The following CSMD2 variants were observed in gnomAD, a reference collection of about 807,000 sequenced individuals.
CSMD2 encodes CUB and sushi domain-containing protein 2.
In CSMD2, 130 loss-of-function variants were observed where a neutral mutation model predicts 398.5. That is an observed-to-expected ratio of 0.33 (90% CI 0.28 to 0.38). The LOEUF (loss-of-function observed/expected upper bound fraction) is 0.38, where lower values mean the gene tolerates loss of function less well. Among genes scored for constraint, CSMD2 ranks in the 10% least tolerant of loss-of-function variants. The pLI, the probability that CSMD2 is intolerant of heterozygous loss-of-function variation, is 1.00. For missense variants in CSMD2, 3,829 were observed against 4,764.9 expected, an observed-to-expected ratio of 0.80 and a Z score of 5.78; for synonymous variants, 1,828 against 1,908.5, an observed-to-expected ratio of 0.96 and a Z score of 1.10.
At chr1:34,053,058 A>G (rs1448731869) in intron 2 of CSMD2, among the ~76,000 whole-genome samples, 1 of 152,114 alleles carries the variant, frequency 6.6e-6, no homozygotes, top group African/African-American at 2.4e-5. Flanking sequence ...TCAATGGCGA[A>G]CTACTTTTAA....
chr1:34,138,178 A>T (rs1272139617), intron 1 of CSMD2, among the ~76,000 whole-genome samples: 1 of 152,118 alleles, frequency 6.6e-6, no homozygotes. Flanking sequence ...CCCTTTTATG[A>T]TCCTTCTGGG....
At chr1:33,779,970 C>T (rs1022548894) in intron 12 of CSMD2, among the ~76,000 whole-genome samples, 5 of 152,038 alleles carry the variant, frequency 3.3e-5, no homozygotes, top group East Asian at 1.9e-4. Flanking sequence ...AGGACAACAG[C>T]GTAGAGTCTA....
chr1:33,837,986 G>C (rs1660480195), intron 6 of CSMD2, among the ~76,000 whole-genome samples: 1 of 152,230 alleles, frequency 6.6e-6, no homozygotes, highest in Admixed American at 6.5e-5. Flanking sequence ...TCTGCAGCAT[G>C]ACTTACTGGG....
intron 46 of CSMD2, among the ~76,000 whole-genome samples, chr1:33,585,516 A>AT (rs1639023773): frequency 6.6e-6 from 1 of 152,156 alleles, no homozygotes; most frequent in Non-Finnish European, 1.5e-5. Flanking sequence ...TTCCTTTTTA[A>AT]TTTTAAGAGG....
intron 11 of CSMD2, 64 bp from the exon 12 acceptor site, chr1:33,788,776 T>A: frequency 9.4e-7 from 1 of 1,065,792 alleles, no homozygotes; most frequent in Non-Finnish European, 1.5e-6. Context: ...AATGATTGCC[T>A]GACCGATGAC....
chr1:34,091,405 T>C (rs1268884359), intron 1 of CSMD2, among the ~76,000 whole-genome samples: 1 of 152,206 alleles, frequency 6.6e-6, no homozygotes, highest in Non-Finnish European at 1.5e-5. Context: ...TCATCTCCAT[T>C]TTACAGACGA....
intron 2 of CSMD2, among the ~76,000 whole-genome samples, chr1:34,081,260 G>GA (rs949295732): frequency 3.9e-5 from 6 of 152,086 alleles, no homozygotes; most frequent in African/African-American, 1.4e-4. Flanking sequence ...CACACCCCCA[G>GA]AGTAGCACCA....
intron 51 of CSMD2, among the ~76,000 whole-genome samples, chr1:33,570,157 G>A (rs952939619): frequency 1.4e-5 from 2 of 145,138 alleles, no homozygotes; most frequent in Non-Finnish European, 3.0e-5. Context: ...CATGAATCAC[G>A]GACATTGGCT....
At chr1:33,685,306 C>T (rs1645031135) in intron 25 of CSMD2, among the ~76,000 whole-genome samples, 1 of 152,182 alleles carries the variant, frequency 6.6e-6, no homozygotes, top group Admixed American at 6.5e-5. Context: ...AAATGAACCC[C>T]CATCTGTTGA....
At position 33,945,963 on chromosome 1, in the gene CSMD2, G is replaced by T. The variant is rs145077327; in HGVS notation, c.518-10009C>A. Among the ~76,000 whole-genome samples, 390 of 152,298 alleles carry T rather than the reference G, an allele frequency of 2.6e-3. 3 individuals are homozygous for T. The highest frequency in any genetic ancestry group is 9.0e-3 in the African/African-American group (372 of 41,556). ...AAATATGCAATTTGAGGCTAAATTTGATTAATTGCATAGTGGGGTAGAAAA... is the reference window on the plus strand; with the variant it reads ...AAATATGCAATTTGAGGCTAAATTTTATTAATTGCATAGTGGGGTAGAAAA... On this transcript the variant is annotated intron_variant, in intron 3 of 70. Transcript: ENST00000373381.
chr1:34,110,352 A>G (rs1349481188), intron 1 of CSMD2, among the ~76,000 whole-genome samples: 1 of 152,148 alleles, frequency 6.6e-6, no homozygotes, highest in Non-Finnish European at 1.5e-5. Flanking sequence ...GGGTATATAC[A>G]CAAAGGAACA....
intron 3 of CSMD2, among the ~76,000 whole-genome samples, chr1:33,975,486 T>TATAC (rs145373689): frequency 5.5e-4 from 81 of 146,466 alleles, no homozygotes; most frequent in African/African-American, 2.0e-3. Context: ...CTCCCAAGTG[T>TATAC]ACACACACAC....
At chr1:33,980,185 G>C (rs774411508) in intron 3 of CSMD2, among the ~76,000 whole-genome samples, 6 of 152,134 alleles carry the variant, frequency 3.9e-5, no homozygotes, top group Non-Finnish European at 7.4e-5. Context: ...CTCCTGAGAA[G>C]TTTCACAGAC....
chr1:33,924,676 T>C (rs1189468652), intron 4 of CSMD2, among the ~76,000 whole-genome samples: 2 of 152,206 alleles, frequency 1.3e-5, no homozygotes, highest in African/African-American at 4.8e-5. Context: ...AAGAGCTCCC[T>C]TTTCTCCATA....
intron 29 of CSMD2, among the ~76,000 whole-genome samples, chr1:33,640,956 T>C (rs1468680757): frequency 1.3e-5 from 2 of 152,184 alleles, no homozygotes; most frequent in Non-Finnish European, 2.9e-5. Context: ...TTTTAGGACC[T>C]TCCATTAAAA....
intron 4 of CSMD2, among the ~76,000 whole-genome samples, chr1:33,919,780 A>G (rs1219898935): frequency 6.6e-6 from 1 of 152,216 alleles, no homozygotes; most frequent in Non-Finnish European, 1.5e-5. Context: ...CATAGTTAGG[A>G]AGGGCTTTAT....
At chr1:33,697,709 C>A (rs1430921748) in intron 24 of CSMD2, among the ~76,000 whole-genome samples, 1 of 152,234 alleles carries the variant, frequency 6.6e-6, no homozygotes, top group Non-Finnish European at 1.5e-5. Flanking sequence ...TCATATCCTC[C>A]CAACATTTTG....
chr1:33,726,510 C>A, intron 16 of CSMD2, 37 bp downstream of exon 16: 1 of 1,583,674 alleles, frequency 6.3e-7, no homozygotes, highest in South Asian at 1.2e-5. Flanking sequence ...AAAAATCTCC[C>A]CCTTGCCCTC....
intron 3 of CSMD2, among the ~76,000 whole-genome samples, chr1:33,972,451 A>G (rs955868628): frequency 2.0e-5 from 3 of 152,146 alleles, no homozygotes; most frequent in Non-Finnish European, 2.9e-5. Flanking sequence ...AAAAGAGACT[A>G]CAGATGTCAT....
Sources: gnomAD v4.1 joint callset for allele counts (sites outside exome capture counted in the v4.1 genomes callset) on GRCh38, gnomAD v4.1.1 for gene constraint, MANE v1.5 for transcripts, NCBI Gene and HGNC (gene_info 2026-07-23, HGNC 2026-07-21) for gene names.